The following NUF2 variants were observed in gnomAD, a reference collection of about 807,000 sequenced individuals.
NUF2 encodes NUF2 component of NDC80 kinetochore complex.
A neutral mutation model predicts 61.8 loss-of-function variants in NUF2; 34 were observed. That is an observed-to-expected ratio of 0.55 (90% confidence interval 0.42 to 0.73). The LOEUF (loss-of-function observed/expected upper bound fraction) is 0.73, where lower values mean the gene tolerates loss of function less well. Ranked by LOEUF, NUF2 falls within the 30% of genes least tolerant of loss-of-function variation. The pLI is 0.00. For missense variants in NUF2, 445 were observed against 539.1 expected (o/e 0.83, Z 1.73); for synonymous variants, 172 against 181.6 (o/e 0.95, Z 0.42).
intron 7 of NUF2, 68 bp from the exon 8 acceptor site, chr1:163,339,313 G>GAT (rs1650862347): frequency 1.1e-6 from 1 of 869,676 alleles, no homozygotes; most frequent in African/African-American, 1.7e-5. Flanking sequence ...AGTTATTTGA[G>GAT]GACAGGTATT....
chr1:163,344,129 G>T (rs3013512), intron 10 of NUF2, among the ~76,000 whole-genome samples: 6 of 152,024 alleles, frequency 3.9e-5, no homozygotes, highest in South Asian at 4.1e-4. Context: ...AATGCTGGGT[G>T]GTGAGATTTA....
intron 5 of NUF2, among the ~76,000 whole-genome samples, chr1:163,331,449 G>C (rs1228570101): frequency 6.6e-6 from 1 of 151,876 alleles, no homozygotes; most frequent in Non-Finnish European, 1.5e-5. Flanking sequence ...GATGGATATT[G>C]TTCTGTAGTT....
intron 9 of NUF2, among the ~76,000 whole-genome samples, chr1:163,340,991 A>T (rs888683663): frequency 6.6e-6 from 1 of 152,084 alleles, no homozygotes; most frequent in Admixed American, 6.5e-5. Context: ...TTTAAAATAA[A>T]TTTTTTTGTT....
intron 12 of NUF2, among the ~76,000 whole-genome samples, chr1:163,348,152 G>A (rs1384110203): frequency 1.3e-5 from 2 of 152,016 alleles, no homozygotes; most frequent in African/African-American, 2.4e-5. Flanking sequence ...CTTTTCCTGG[G>A]TATACAGTTC....
At chr1:163,337,348 G>A (rs1029581935) in intron 6 of NUF2, among the ~76,000 whole-genome samples, 1 of 151,924 alleles carries the variant, frequency 6.6e-6, no homozygotes, top group African/African-American at 2.4e-5. Context: ...TTAAAGAACT[G>A]GGGGAGATTA....
At chr1:163,335,464 A>G (rs1163740181) in intron 5 of NUF2, among the ~76,000 whole-genome samples, 1 of 151,894 alleles carries the variant, frequency 6.6e-6, no homozygotes, top group East Asian at 1.9e-4. Context: ...CTCTCTATAT[A>G]ATGTGTTTTG....
Position 163,330,928 on chromosome 1 carries a change from AT to A in NUF2, c.337+2032del, listed in dbSNP as rs34342302. ...CTAAAATCACTTATTATTTGAGTAGATTTTTTTTTTTGTAGATTCCTTAGGA... is the reference window on the plus strand; with the variant it reads ...CTAAAATCACTTATTATTTGAGTAGATTTTTTTTTTGTAGATTCCTTAGGA... On this transcript the variant is annotated intron_variant, in intron 5 of 13. Transcript: ENST00000271452. 1.9e-3 allele frequency among the ~76,000 whole-genome samples: 277 copies of A among 146,798 alleles called. No individual in the cohort carries two copies. In the Middle Eastern group the frequency reaches 0.022, roughly 11 times the overall value.
chr1:163,351,890 C>A (rs1651332949), intron 13 of NUF2, among the ~76,000 whole-genome samples: 1 of 152,086 alleles, frequency 6.6e-6, no homozygotes. Context: ...TGTTCTTTCC[C>A]ATAGATAATT....
At chr1:163,331,015 G>A (rs980589981) in intron 5 of NUF2, among the ~76,000 whole-genome samples, 15 of 133,136 alleles carry the variant, frequency 1.1e-4, no homozygotes, top group African/African-American at 3.8e-4. Context: ...TAATAGAGAT[G>A]CCTTTTATTC....
chr1:163,327,233 G>T (rs1382314431), intron 2 of NUF2, among the ~76,000 whole-genome samples: 1 of 152,028 alleles, frequency 6.6e-6, no homozygotes, highest in East Asian at 1.9e-4. Context: ...TGGATGGGTT[G>T]CTTGGATTGG....
In NUF2 at chr1:163,355,368, A is replaced by G. The variant is rs1327805732; in HGVS notation, c.1294A>G (p.Lys432Glu). 6.2e-7 allele frequency: 1 copy of G among 1,604,866 alleles called. No homozygotes were observed. Among genetic ancestry groups the G allele is most frequent in the Non-Finnish European group, 8.5e-7 (1 of 1,175,180 alleles). ...IFLNLKTALE[K>E]YHDGIEKAAE... ...TCTAAACTTGAAAACTGCTTTGGAGAAATACCACGACGGTATTGAAAAGGC... is the reference window on the plus strand; with the variant it reads ...TCTAAACTTGAAAACTGCTTTGGAGGAATACCACGACGGTATTGAAAAGGC... The change falls in exon 14 of 14, where the codon AAA (lysine) becomes GAA (glutamate). Residue 432 changes from lysine (K) to glutamate (E), a missense_variant. Transcript: ENST00000271452.
At chr1:163,325,425 A>C (rs2999850) in intron 1 of NUF2, among the ~76,000 whole-genome samples, 39,631 of 152,150 alleles carry the variant, frequency 0.26, 6,544 homozygotes, top group East Asian at 0.6. Flanking sequence ...CACTACGTGA[A>C]GACATTAGGA....
At chr1:163,349,938 TTTA>T (rs1446538105) in intron 13 of NUF2, among the ~76,000 whole-genome samples, 1 of 151,946 alleles carries the variant, frequency 6.6e-6, no homozygotes, top group Non-Finnish European at 1.5e-5. Context: ...CTCAACTACT[TTTA>T]TTTTTCCTGC....
intron 13 of NUF2, among the ~76,000 whole-genome samples, chr1:163,352,162 A>G (rs887867016): frequency 5.3e-5 from 8 of 152,106 alleles, no homozygotes; most frequent in Non-Finnish European, 1.0e-4. Flanking sequence ...GATAATTCTG[A>G]CATCCAGATA....
At chr1:163,330,386 A>G (rs1650554839) in intron 5 of NUF2, among the ~76,000 whole-genome samples, 1 of 152,124 alleles carries the variant, frequency 6.6e-6, no homozygotes, top group South Asian at 2.1e-4. Context: ...AATTGACTGT[A>G]TATTTGTCTA....
intron 13 of NUF2, among the ~76,000 whole-genome samples, chr1:163,349,921 T>C (rs961112056): frequency 1.3e-5 from 2 of 151,906 alleles, no homozygotes; most frequent in Admixed American, 6.6e-5. Flanking sequence ...TTTTTTTTTT[T>C]CTATACCTCA....
chr1:163,323,416 T>C (rs1218250848), intron 1 of NUF2, among the ~76,000 whole-genome samples: 1 of 152,158 alleles, frequency 6.6e-6, no homozygotes, highest in Non-Finnish European at 1.5e-5. Context: ...AGAATCTGGA[T>C]TCCAAAAGAT....
chr1:163,326,222 A>T, intron 2 of NUF2, 48 bp downstream of exon 2: 1 of 1,591,826 alleles, frequency 6.3e-7, no homozygotes, highest in Non-Finnish European at 8.6e-7. Context: ...TTAGGGAAAA[A>T]GTAAGCTACT....
At chr1:163,332,405 A>T (rs1486311750) in intron 5 of NUF2, among the ~76,000 whole-genome samples, 1 of 152,116 alleles carries the variant, frequency 6.6e-6, no homozygotes, top group Non-Finnish European at 1.5e-5. Flanking sequence ...AATATGGTCT[A>T]TATTTGTTCA....
Sources: allele counts gnomAD v4.1 joint callset (sites outside exome capture counted in the v4.1 genomes callset), GRCh38; gene constraint gnomAD v4.1.1; transcripts MANE v1.5; gene names NCBI Gene and HGNC (gene_info 2026-07-23, HGNC 2026-07-21).